PTPRN2: variants seen among roughly 807,000 people sequenced by gnomAD.
PTPRN2 encodes protein tyrosine phosphatase receptor type N2.
PTPRN2 carries 74 observed loss-of-function variants against 118.8 expected under a neutral mutation model. The observed-to-expected ratio is 0.62, with a 90% CI of 0.52 to 0.76. The LOEUF (loss-of-function observed/expected upper bound fraction) is 0.76, where lower values mean the gene tolerates loss of function less well. PTPRN2 is among the 30% of genes least tolerant of loss of function. The pLI, the probability that PTPRN2 is intolerant of heterozygous loss-of-function variation, is 0.00. For synonymous variants in PTPRN2, 641 were observed against 608.0 expected (o/e 1.05, Z -0.80); for missense variants, 1,481 against 1,394.4 (o/e 1.06, Z -0.99).
At chr7:157,653,327 C>A (rs991336348) in intron 14 of PTPRN2, among the ~76,000 whole-genome samples, 4 of 152,140 alleles carry the variant, frequency 2.6e-5, no homozygotes, top group Admixed American at 2.6e-4. Flanking sequence ...AGGTGAGGGG[C>A]ACTGAGGTGG....
In PTPRN2 at chr7:157,612,738, G is replaced by A. The variant is rs115052159; in HGVS notation, c.2344+8624C>T. On this transcript the variant is annotated intron_variant, in intron 15 of 22. Coordinates refer to ENST00000389418, the MANE Select transcript of PTPRN2 (RefSeq NM_002847.5). ...GGAACCTACACATTAGCTCCCTAGA[G>A]GCGTAACTGATGGGCAGGTGTGGAA... Among the ~76,000 whole-genome samples the A allele has an allele frequency of 4.5e-4, 68 of 152,340 alleles. 1 individual carries two copies. Among genetic ancestry groups the A allele is most frequent in the African/African-American group, 1.6e-3 (66 of 41,590 alleles).
intron 1 of PTPRN2, among the ~76,000 whole-genome samples, chr7:158,498,136 A>G (rs73729653): frequency 0.015 from 2,324 of 152,308 alleles, 67 homozygotes; most frequent in African/African-American, 0.053. Context: ...TCTTGTTTGA[A>G]GCTGGGGCCA....
At chr7:158,333,709 G>A (rs1329748413) in intron 2 of PTPRN2, among the ~76,000 whole-genome samples, 1 of 149,074 alleles carries the variant, frequency 6.7e-6, no homozygotes, top group Non-Finnish European at 1.5e-5. Context: ...CACCATAAGA[G>A]CTGAGGCCCA....
At chr7:158,134,104 C>A in intron 8 of PTPRN2, 45 bp from the exon 9 acceptor site, 1 of 1,578,374 alleles carries the variant, frequency 6.3e-7, no homozygotes, top group Non-Finnish European at 8.6e-7. Context: ...GAAAGGAATG[C>A]TGATGTGACA....
At chr7:158,283,522 C>T (rs1431806262) in intron 3 of PTPRN2, among the ~76,000 whole-genome samples, 1 of 151,454 alleles carries the variant, frequency 6.6e-6, no homozygotes, top group Non-Finnish European at 1.5e-5. Context: ...GTGGAGTCTG[C>T]AGCTGCCCAT....
At position 157,942,168 on chromosome 7, in the gene PTPRN2, CAGGGGTCCTCGGCCCACCCTCCACACACA is replaced by C. The variant is rs1402052678; in HGVS notation, c.1724-43460_1724-43432del. 2.3e-4 allele frequency among the ~76,000 whole-genome samples: 8 copies of C among 35,524 alleles called. No individual in the cohort carries two copies. The African/African-American group carries it at 2.9e-3, about 13-fold the overall frequency. 23.3% of individuals were successfully genotyped at this position (35,524 alleles called of 152,430 possible). A position where few individuals can be genotyped will look rare whatever the true frequency, so the allele number is the denominator to read the frequency against. On this transcript the variant is annotated intron_variant, in intron 11 of 22. Transcript: ENST00000389418. ...GGGTCCTCGGCCCACCCTCCACACA[CAGGGGTCCTCGGCCCACCCTCCACACACA>C]GGGGTCCTCGGCCCACCCTCCACAC...
At chr7:157,712,522 G>A (rs554392883) in intron 12 of PTPRN2, among the ~76,000 whole-genome samples, 5 of 151,936 alleles carry the variant, frequency 3.3e-5, no homozygotes, top group Admixed American at 1.3e-4. Context: ...AGGCTGAGGC[G>A]GGCGGATCAC....
chr7:158,151,068 T>TCTGCTCCTACCCCTGC, intron 6 of PTPRN2, among the ~76,000 whole-genome samples: 2 of 117,410 alleles, frequency 1.7e-5, no homozygotes, highest in Non-Finnish European at 1.9e-5. Flanking sequence ...TGCCCGCCTT[T>TCTGCTCCTACCCCTGC]CCACTCTTGC....
At chr7:158,098,191 T>G (rs1389583031) in intron 10 of PTPRN2, among the ~76,000 whole-genome samples, 2 of 152,178 alleles carry the variant, frequency 1.3e-5, no homozygotes, top group African/African-American at 2.4e-5. Flanking sequence ...TGGGGCAGCC[T>G]CTGCCTGGCC....
At position 157,548,587 on chromosome 7, in the gene PTPRN2, G is replaced by A. The variant is rs749615926; in HGVS notation, c.2976+359C>T. Among the ~76,000 whole-genome samples the A allele has an allele frequency of 3.3e-5, 5 of 152,326 alleles. No individual in the cohort carries two copies. The South Asian group carries it at 8.3e-4, about 25-fold the overall frequency. On this transcript the variant is annotated intron_variant, in intron 22 of 22. Coordinates refer to ENST00000389418, the MANE Select transcript of PTPRN2 (RefSeq NM_002847.5). ...GCAGGCCCCGGAGAGGCCGGGCAGC[G>A]CTCAGAGAGCTCAGAACATCCTCCT... is the stretch of plus-strand genomic sequence containing the variant.
At chr7:158,156,598 A>G (rs1197598147) in intron 6 of PTPRN2, among the ~76,000 whole-genome samples, 1 of 152,224 alleles carries the variant, frequency 6.6e-6, no homozygotes, top group Non-Finnish European at 1.5e-5. Flanking sequence ...AGGTGAACAC[A>G]CAGCTGCAGT....
At chr7:158,286,489 G>C (rs1254992865) in intron 3 of PTPRN2, among the ~76,000 whole-genome samples, 1 of 152,174 alleles carries the variant, frequency 6.6e-6, no homozygotes. Context: ...CTGTGAGTTT[G>C]TCATATATGG....
At chr7:158,370,080 T>C (rs1445933062) in intron 2 of PTPRN2, among the ~76,000 whole-genome samples, 2 of 152,032 alleles carry the variant, frequency 1.3e-5, no homozygotes, top group East Asian at 1.9e-4. Context: ...TGATCAACAC[T>C]GCAGGAGAAA....
intron 12 of PTPRN2, among the ~76,000 whole-genome samples, chr7:157,751,285 C>T (rs1801450213): frequency 6.6e-6 from 1 of 152,162 alleles, no homozygotes; most frequent in Non-Finnish European, 1.5e-5. Context: ...AGTTTGCGCG[C>T]ACTGGACAAA....
At chr7:157,551,816 C>A (rs1798638250) in intron 21 of PTPRN2, among the ~76,000 whole-genome samples, 1 of 142,558 alleles carries the variant, frequency 7.0e-6, no homozygotes, top group Admixed American at 7.0e-5. Context: ...CACCCCACAG[C>A]CAGCACGCAT....
At chr7:157,573,206 T>A (rs1445817738) in intron 19 of PTPRN2, among the ~76,000 whole-genome samples, 2 of 152,220 alleles carry the variant, frequency 1.3e-5, no homozygotes, top group Non-Finnish European at 2.9e-5. Flanking sequence ...TGTGTGTGCA[T>A]GAGACTGCAC....
intron 12 of PTPRN2, among the ~76,000 whole-genome samples, chr7:157,743,253 C>T (rs1411141961): frequency 1.3e-5 from 2 of 152,202 alleles, no homozygotes; most frequent in African/African-American, 4.8e-5. Flanking sequence ...CTTAGATGCC[C>T]ATCCAGTGGG....
At chr7:158,437,489 C>T (rs1197109394) in intron 2 of PTPRN2, among the ~76,000 whole-genome samples, 1 of 152,198 alleles carries the variant, frequency 6.6e-6, no homozygotes, top group Non-Finnish European at 1.5e-5. Context: ...TGCAGAGACT[C>T]TGGGTGAGTC....
rs573977065 is a variant in PTPRN2 at position 158,166,646 on chromosome 7, A to T, written c.910+285T>A. 1.2e-4 allele frequency among the ~76,000 whole-genome samples: 17 copies of T among 147,126 alleles called. No individual in the cohort carries two copies. The South Asian group carries it at 3.7e-3, about 32-fold the overall frequency. On this transcript the variant is annotated intron_variant, in intron 6 of 22. Transcript: ENST00000389418. Reference sequence around the variant, plus strand: ...TGGCCGCTGTGTTCACTGTCCTCACACCCTCAGCAGCGCCTTCTCCATCCC... The same window carrying T: ...TGGCCGCTGTGTTCACTGTCCTCACTCCCTCAGCAGCGCCTTCTCCATCCC...
Sources: allele counts gnomAD v4.1 joint callset (sites outside exome capture counted in the v4.1 genomes callset), GRCh38; gene constraint gnomAD v4.1.1; transcripts MANE v1.5; gene names NCBI Gene and HGNC (gene_info 2026-07-23, HGNC 2026-07-21).